The following IL1RAPL1 variants were observed in gnomAD, a reference collection of about 807,000 sequenced individuals.
IL1RAPL1 encodes interleukin 1 receptor accessory protein like 1.
IL1RAPL1 carries 3 observed loss-of-function variants against 48.4 expected under a neutral mutation model. That is an observed-to-expected ratio of 0.06 (90% CI 0.03 to 0.16). IL1RAPL1 has a LOEUF of 0.16. IL1RAPL1 is among the 10% of genes least tolerant of loss of function. IL1RAPL1 has a pLI of 1.00. For synonymous variants in IL1RAPL1, 185 were observed against 187.7 expected (o/e 0.99, Z 0.12); for missense variants, 349 against 530.6 (o/e 0.66, Z 3.36).
In IL1RAPL1 at chrX:29,689,928, C is replaced by T. The variant is rs1926730227; in HGVS notation, c.778+21424C>T. 3.6e-5 allele frequency among the ~76,000 whole-genome samples: 4 copies of T among 111,754 alleles called. No homozygotes were observed. In the South Asian group the frequency reaches 1.5e-3, roughly 42 times the overall value. The stretch of plus-strand genomic sequence containing the variant: ...GAGAGCCCAATTAATAAGGTAGTCT[C>T]ATAATACATTGTAGAATGAATAAGA... On this transcript the variant is annotated intron_variant, in intron 6 of 10. Coordinates refer to ENST00000378993, the MANE Select transcript of IL1RAPL1 (RefSeq NM_014271.4).
chrX:29,479,307 C>T (rs902609071), intron 5 of IL1RAPL1, among the ~76,000 whole-genome samples: 3 of 104,828 alleles, frequency 2.9e-5, no homozygotes, highest in Non-Finnish European at 3.9e-5. Context: ...CCCAGCTACT[C>T]GGGAGGCTGA....
At chrX:28,653,741 G>A (rs1416115856) in intron 1 of IL1RAPL1, among the ~76,000 whole-genome samples, 1 of 111,301 alleles carries the variant, frequency 9.0e-6, no homozygotes, top group Non-Finnish European at 1.9e-5. Context: ...TTGGTCCTGT[G>A]CTTTTAAGGA....
intron 2 of IL1RAPL1, among the ~76,000 whole-genome samples, chrX:28,927,693 G>C (rs1923782153): frequency 9.7e-6 from 1 of 102,949 alleles, no homozygotes. Context: ...CCATGTCTCT[G>C]TTCTTCCCAT....
Position 29,568,051 on chromosome X carries a change from A to G in IL1RAPL1, c.704-100379A>G, listed in dbSNP as rs1922465376. ...AATATATTATATTGTATGGTATATAATGAGCACTCAACAATTTTATGTTGA... is the reference window on the plus strand; with the variant it reads ...AATATATTATATTGTATGGTATATAGTGAGCACTCAACAATTTTATGTTGA... On this transcript the variant is annotated intron_variant, in intron 5 of 10. Transcript: ENST00000378993. Among the ~76,000 whole-genome samples the G allele has an allele frequency of 3.6e-5, 4 of 109,781 alleles. No individual in the cohort carries two copies. The South Asian group carries it at 1.6e-3, about 43-fold the overall frequency.
At chrX:28,899,766 G>T (rs1302701309) in intron 2 of IL1RAPL1, among the ~76,000 whole-genome samples, 1 of 111,618 alleles carries the variant, frequency 9.0e-6, no homozygotes, top group Non-Finnish European at 1.9e-5. Flanking sequence ...ATCAGCTGTG[G>T]CTAGGGGTCT....
intron 1 of IL1RAPL1, among the ~76,000 whole-genome samples, chrX:28,744,476 A>G (rs1197346015): frequency 9.0e-6 from 1 of 111,636 alleles, no homozygotes; most frequent in African/African-American, 3.3e-5. Context: ...ATTCCTGTCA[A>G]AGCATATGCT....
intron 6 of IL1RAPL1, among the ~76,000 whole-genome samples, chrX:29,693,698 G>A (rs1926835805): frequency 8.9e-6 from 1 of 112,260 alleles, no homozygotes; most frequent in South Asian, 3.6e-4. Context: ...ATGTGCTGTG[G>A]ACAACGTGAA....
chrX:29,430,701 T>C (rs905276532), intron 5 of IL1RAPL1, among the ~76,000 whole-genome samples: 1 of 110,552 alleles, frequency 9.0e-6, no homozygotes, highest in African/African-American at 3.3e-5. Flanking sequence ...TGTGTATATA[T>C]GTAAATAAGT....
At chrX:29,662,902 T>C (rs1474656056) in intron 5 of IL1RAPL1, among the ~76,000 whole-genome samples, 6 of 111,819 alleles carry the variant, frequency 5.4e-5, no homozygotes, top group Admixed American at 1.9e-4. Context: ...ACCACAATTA[T>C]TTGCAACAGA....
chrX:29,259,135 G>A (rs1252772023), intron 2 of IL1RAPL1, among the ~76,000 whole-genome samples: 1 of 111,670 alleles, frequency 9.0e-6, no homozygotes, highest in East Asian at 2.8e-4. Flanking sequence ...GGTTTATGGT[G>A]TAAGCCTTTT....
chrX:28,973,746 A>G (rs1925139405), intron 2 of IL1RAPL1, among the ~76,000 whole-genome samples: 1 of 112,240 alleles, frequency 8.9e-6, no homozygotes, highest in South Asian at 3.7e-4. Context: ...GTGTCTTTCC[A>G]CATACTGATG....
chrX:28,709,940 A>C (rs1433856472), intron 1 of IL1RAPL1, among the ~76,000 whole-genome samples: 2 of 111,932 alleles, frequency 1.8e-5, no homozygotes, highest in Non-Finnish European at 3.8e-5. Context: ...GATGACCTTC[A>C]AAAGGAGAAC....
intron 5 of IL1RAPL1, among the ~76,000 whole-genome samples, chrX:29,573,483 T>C (rs763178973): frequency 4.5e-4 from 51 of 112,417 alleles, no homozygotes; most frequent in Non-Finnish European, 2.4e-4. Flanking sequence ...TCTTGAAAAC[T>C]TGAGTGTCCT....
intron 5 of IL1RAPL1, among the ~76,000 whole-genome samples, chrX:29,565,209 CAG>C (rs962559017): frequency 2.5e-4 from 28 of 110,373 alleles, no homozygotes; most frequent in African/African-American, 7.6e-4. Context: ...AAAAAGAAAA[CAG>C]ATAACAAATC....
intron 3 of IL1RAPL1, among the ~76,000 whole-genome samples, chrX:29,384,186 A>G (rs1370876283): frequency 3.6e-5 from 4 of 111,779 alleles, no homozygotes; most frequent in African/African-American, 1.3e-4. Flanking sequence ...TAACATGGGA[A>G]ACAGGATATC....
At chrX:29,558,839 A>G (rs61164725) in intron 5 of IL1RAPL1, among the ~76,000 whole-genome samples, 27,700 of 110,825 alleles carry the variant, frequency 0.25, 5,287 homozygotes, top group African/African-American at 0.66. Context: ...TCAGTTGACT[A>G]TAAATATGTG....
chrX:28,835,002 A>G (rs1471241099), intron 2 of IL1RAPL1, among the ~76,000 whole-genome samples: 1 of 111,912 alleles, frequency 8.9e-6, no homozygotes, highest in East Asian at 2.8e-4. Context: ...AATACCCCAC[A>G]TAGAGGTCAT....
intron 1 of IL1RAPL1, among the ~76,000 whole-genome samples, chrX:28,609,018 T>C (rs1934117126): frequency 8.9e-6 from 1 of 112,287 alleles, no homozygotes; most frequent in African/African-American, 3.2e-5. Flanking sequence ...GATGTGAATG[T>C]TTTAAATAAG....
At chrX:29,795,741 A>T (rs951966891) in intron 6 of IL1RAPL1, among the ~76,000 whole-genome samples, 1 of 112,960 alleles carries the variant, frequency 8.9e-6, no homozygotes, top group South Asian at 3.6e-4. Flanking sequence ...TTGACTGCAT[A>T]TAACTTTTTC....
Sources: gnomAD v4.1 joint callset for allele counts (sites outside exome capture counted in the v4.1 genomes callset) on GRCh38, gnomAD v4.1.1 for gene constraint, MANE v1.5 for transcripts, NCBI Gene and HGNC (gene_info 2026-07-23, HGNC 2026-07-21) for gene names.